Variants in ANKDD1A observed in about 807,000 individuals in gnomAD.
ANKDD1A encodes ankyrin repeat and death domain-containing protein 1A.
In ANKDD1A, 59 loss-of-function variants were observed where a neutral mutation model predicts 63.5. That is an observed-to-expected ratio of 0.93 (90% CI 0.75 to 1.15). The LOEUF (loss-of-function observed/expected upper bound fraction) is 1.15, where lower values mean the gene tolerates loss of function less well. ANKDD1A is among the 50% of genes most tolerant of loss of function. The probability of loss-of-function intolerance (pLI) is 0.00; values close to 1 mark genes in which losing one functional copy is unlikely to be tolerated. For missense variants in ANKDD1A, 632 were observed against 656.4 expected (o/e 0.96, Z 0.41); for synonymous variants, 266 against 263.9 (o/e 1.01, Z -0.08).
intron 14 of ANKDD1A, among the ~76,000 whole-genome samples, chr15:64,953,660 T>TC (rs2085354223): frequency 1.1e-4 from 9 of 83,070 alleles, no homozygotes; most frequent in Middle Eastern, 6.2e-3. Context: ...CTCCTTCTTT[T>TC]CTTTCTTCTC....
chr15:64,954,472 CCTCT>C (rs2085386987), intron 14 of ANKDD1A, among the ~76,000 whole-genome samples: 1 of 135,304 alleles, frequency 7.4e-6, no homozygotes, highest in Non-Finnish European at 1.5e-5. Context: ...TCTCCTTCTT[CCTCT>C]TTTTCTTCTT....
chr15:64,951,706 A>ATTCTTTTCTTTTTTTTCGTTCTTCCTTTC (rs1188766067), intron 14 of ANKDD1A, among the ~76,000 whole-genome samples: 1 of 135,342 alleles, frequency 7.4e-6, no homozygotes, highest in Admixed American at 7.6e-5. Context: ...CTTCTTCCTT[A>ATTCTTTTCTTTTTTTTCGTTCTTCCTTTC]TTTTCTTTTT....
rs11430089 is a variant in ANKDD1A, at chr15:64,930,259, TAA to T, written c.571-549_571-548del. 1.5e-3 allele frequency among the ~76,000 whole-genome samples: 220 copies of T among 144,890 alleles called. 1 individual carries two copies. The highest frequency in any genetic ancestry group is 1.7e-3 in the South Asian group (8 of 4,630). Reference sequence around the variant, plus strand: ...CGTATCCCAGAACTTAAAGTAAAATTAAAAAAAAAAAAAAAGTCAGACAATAA... The same window carrying T: ...CGTATCCCAGAACTTAAAGTAAAATTAAAAAAAAAAAAAGTCAGACAATAA... On this transcript the variant is annotated intron_variant, in intron 6 of 14. Transcript: ENST00000319580.
At chr15:64,954,719 C>CTCG (rs1372132166) in intron 14 of ANKDD1A, among the ~76,000 whole-genome samples, 8 of 5,010 alleles carry the variant, frequency 1.6e-3, no homozygotes, top group African/African-American at 1.9e-3. Context: ...TCTTCTCCTT[C>CTCG]TCCTCCTCCT....
At position 64,955,748 on chromosome 15, in the gene ANKDD1A, C is replaced by T. The variant is rs1455354176; in HGVS notation, c.1484-1355C>T. On this transcript the variant is annotated intron_variant, in intron 14 of 14. Transcript: ENST00000319580. ...AGACTGGAAAGGAGATAAAATAAAACAGCTGACAGGAGCTTTGGTAGTCAC... is the reference window on the plus strand; with the variant it reads ...AGACTGGAAAGGAGATAAAATAAAATAGCTGACAGGAGCTTTGGTAGTCAC... 2.0e-5 allele frequency among the ~76,000 whole-genome samples: 3 copies of T among 152,310 alleles called. No individual in the cohort carries two copies. In the East Asian group the frequency reaches 5.8e-4, roughly 29 times the overall value.
rs1305990999 is a variant in ANKDD1A, at chr15:64,957,091, T to A, written c.1484-12T>A. 2.2e-6 allele frequency: 1 copy of A among 449,208 alleles called. No individual in the cohort carries two copies. Among genetic ancestry groups the A allele is most frequent in the East Asian group, 7.4e-5 (1 of 13,600 alleles). 27.8% of individuals were successfully genotyped at this position (449,208 alleles called of 1,614,324 possible). A position where few individuals can be genotyped will look rare whatever the true frequency, so the allele number is the denominator to read the frequency against. On this transcript the variant is annotated splice_polypyrimidine_tract_variant and intron_variant, in intron 14 of 14. Coordinates refer to ENST00000319580, the MANE Select transcript of ANKDD1A (RefSeq NM_182703.6). ...GTTTTGTTTTTTGAGACAGTCTTGCTCTCTCACCCAGGCTGGAGTACAATG... is the reference window on the plus strand; with the variant it reads ...GTTTTGTTTTTTGAGACAGTCTTGCACTCTCACCCAGGCTGGAGTACAATG...
rs746492028 is a variant in ANKDD1A, at chr15:64,931,555, G to T, written c.738G>T (p.Arg246Ser). Residue 246 changes from arginine to serine, a missense_variant, in exon 8 of 15, where the codon AGG becomes AGT. Coordinates refer to ENST00000319580, the MANE Select transcript of ANKDD1A (RefSeq NM_182703.6). ...SHPDCVQLLL[R>S]AGSTVNALTQ... The stretch of plus-strand genomic sequence containing the variant: ...CTGACTGTGTGCAGCTCCTCCTCAG[G>T]GCTGGGAGCACCGTGAATGCCCTCA... 1.2e-6 allele frequency: 2 copies of T among 1,614,082 alleles called. No individual in the cohort carries two copies. The highest frequency in any genetic ancestry group is 1.7e-6 in the Non-Finnish European group (2 of 1,180,026).
intron 9 of ANKDD1A, among the ~76,000 whole-genome samples, chr15:64,940,409 T>G: frequency 8.4e-6 from 1 of 119,220 alleles, no homozygotes; most frequent in East Asian, 2.1e-4. Flanking sequence ...GATAGATAGA[T>G]AGATAGATAG....
intron 8 of ANKDD1A, among the ~76,000 whole-genome samples, chr15:64,933,466 G>A (rs2085105180): frequency 6.6e-6 from 1 of 152,188 alleles, no homozygotes; most frequent in African/African-American, 2.4e-5. Context: ...CTGTTTGGAG[G>A]CACCAAGACC....
intron 3 of ANKDD1A, among the ~76,000 whole-genome samples, chr15:64,917,782 G>A (rs1211525716): frequency 6.6e-6 from 1 of 152,216 alleles, no homozygotes; most frequent in African/African-American, 2.4e-5. Flanking sequence ...AGAGAGGGCT[G>A]TAGAACAGAT....
chr15:64,913,376 G>C (rs1365630405), intron 1 of ANKDD1A, among the ~76,000 whole-genome samples: 1 of 152,178 alleles, frequency 6.6e-6, no homozygotes, highest in African/African-American at 2.4e-5. Context: ...ACCAGAATTT[G>C]ACCCTTTGCC....
chr15:64,955,108 C>T (rs1016235886), intron 14 of ANKDD1A, among the ~76,000 whole-genome samples: 1 of 151,644 alleles, frequency 6.6e-6, no homozygotes, highest in African/African-American at 2.4e-5. Flanking sequence ...GGCTGGAGTG[C>T]AGTGGCGCAA....
Position 64,957,334 on chromosome 15 carries a change from A to G in ANKDD1A, c.*146A>G. ...CCACCTTAAATAATAAGAGTAGAAT[A>G]CTTTCTGTGTTTTTATCTTATACAC... On this transcript the variant is annotated 3_prime_UTR_variant, in exon 15 of 15. Transcript: ENST00000319580. 1 of 250,752 alleles carries G rather than the reference A, an allele frequency of 4.0e-6. No individual in the cohort carries two copies. The highest frequency in any genetic ancestry group is 8.0e-6 in the Non-Finnish European group (1 of 125,498). The allele number at this position is 250,752 out of a possible 1,614,324, so 15.5% of individuals were successfully genotyped here.
At chr15:64,945,615 T>TATATATATATAG (rs2085217033) in intron 12 of ANKDD1A, among the ~76,000 whole-genome samples, 1 of 71,792 alleles carries the variant, frequency 1.4e-5, no homozygotes, top group Non-Finnish European at 2.5e-5. Context: ...AACATATATA[T>TATATATATATAG]ATATATATAT....
Position 64,955,251 on chromosome 15 carries a change from C to T in ANKDD1A, c.1484-1852C>T, listed in dbSNP as rs2085407543. Among the ~76,000 whole-genome samples, 3 of 152,090 alleles carry T rather than the reference C, an allele frequency of 2.0e-5. No homozygotes were observed. The South Asian group carries it at 6.2e-4, about 31-fold the overall frequency. The stretch of plus-strand genomic sequence containing the variant: ...TGTATTTTCAGTAGAGACGGGGTTT[C>T]ACTGTGTTAGCCAGGATGGTCTTGA... On this transcript the variant is annotated intron_variant, in intron 14 of 14. Coordinates refer to ENST00000319580, the MANE Select transcript of ANKDD1A (RefSeq NM_182703.6).
At chr15:64,924,424 G>A (rs1476409010) in intron 4 of ANKDD1A, among the ~76,000 whole-genome samples, 2 of 152,230 alleles carry the variant, frequency 1.3e-5, no homozygotes, top group Non-Finnish European at 1.5e-5. Flanking sequence ...GTGCTTCCAA[G>A]GGCAGGAGGA....
At chr15:64,926,320 G>A (rs2085046057) in intron 5 of ANKDD1A, 150 bp downstream of exon 5, 1 of 716,332 alleles carries the variant, frequency 1.4e-6, no homozygotes, top group Non-Finnish European at 2.3e-6. Context: ...GTTGGGAAGA[G>A]GTGTTGAGGC....
At chr15:64,954,021 CT>C (rs1484614043) in intron 14 of ANKDD1A, among the ~76,000 whole-genome samples, 1 of 118,924 alleles carries the variant, frequency 8.4e-6, no homozygotes, top group African/African-American at 3.3e-5. Flanking sequence ...CTTCTTTCCT[CT>C]TCTTTTCTTT....
intron 9 of ANKDD1A, among the ~76,000 whole-genome samples, chr15:64,935,362 C>G (rs1352145386): frequency 6.6e-6 from 1 of 151,934 alleles, no homozygotes; most frequent in Non-Finnish European, 1.5e-5. Flanking sequence ...AAAACCCCAT[C>G]TCTACAAAAA....
Sources: allele counts gnomAD v4.1 joint callset (sites outside exome capture counted in the v4.1 genomes callset), GRCh38; gene constraint gnomAD v4.1.1; transcripts MANE v1.5; gene names NCBI Gene and HGNC (gene_info 2026-07-23, HGNC 2026-07-21).